The following STPG2 variants were observed in gnomAD, a reference collection of about 807,000 sequenced individuals.
STPG2 encodes sperm tail PG-rich repeat containing 2.
In STPG2, 56 loss-of-function variants were observed where a neutral mutation model predicts 54.2. That is an observed-to-expected ratio of 1.03 (90% CI 0.83 to 1.29). STPG2 has a LOEUF of 1.29. Among genes scored for constraint, STPG2 ranks in the 50% most tolerant of loss-of-function variants. The pLI is 0.00. For synonymous variants in STPG2, 200 were observed against 181.8 expected, an observed-to-expected ratio of 1.10 and a Z score of -0.81; for missense variants, 596 against 544.9, an observed-to-expected ratio of 1.09 and a Z score of -0.93.
intron 10 of STPG2, among the ~76,000 whole-genome samples, chr4:97,614,030 T>C (rs938197796): frequency 5.3e-5 from 8 of 152,102 alleles, no homozygotes; most frequent in African/African-American, 1.9e-4. Context: ...TCAATGACAA[T>C]TAGTTCAAAT....
At chr4:97,948,143 G>A (rs932842037) in intron 7 of STPG2, among the ~76,000 whole-genome samples, 2 of 151,876 alleles carry the variant, frequency 1.3e-5, no homozygotes, top group African/African-American at 4.8e-5. Flanking sequence ...AAAAGTTGTA[G>A]GTTTCCAGGA....
intron 8 of STPG2, among the ~76,000 whole-genome samples, chr4:97,866,154 A>G (rs1468396484): frequency 6.6e-6 from 1 of 151,980 alleles, no homozygotes; most frequent in Non-Finnish European, 1.5e-5. Context: ...ATGGTTAGAT[A>G]GAATGAATAA....
At chr4:97,549,824 T>C (rs1731926036) in intron 4 of STPG2, among the ~76,000 whole-genome samples, 2 of 152,310 alleles carry the variant, frequency 1.3e-5, no homozygotes, top group Middle Eastern at 3.4e-3. Context: ...AGTGTGACCC[T>C]GCTGACACCT....
At chr4:98,126,798 A>T (rs1459476767) in intron 3 of STPG2, among the ~76,000 whole-genome samples, 2 of 152,186 alleles carry the variant, frequency 1.3e-5, no homozygotes, top group Non-Finnish European at 2.9e-5. Flanking sequence ...TTTAATAAAA[A>T]TAATAATATA....
intron 4 of STPG2, among the ~76,000 whole-genome samples, chr4:97,487,013 T>C (rs1730382198): frequency 6.6e-6 from 1 of 151,364 alleles, no homozygotes. Flanking sequence ...CCAAACACTG[T>C]ATGTTCTCAC....
intron 5 of STPG2, among the ~76,000 whole-genome samples, chr4:98,005,312 G>A (rs1735543806): frequency 6.6e-6 from 1 of 152,032 alleles, no homozygotes; most frequent in African/African-American, 2.4e-5. Context: ...CACCCTCACA[G>A]ACACACCTAG....
chr4:97,737,686 A>G (rs974536734), intron 9 of STPG2, among the ~76,000 whole-genome samples: 1 of 152,202 alleles, frequency 6.6e-6, no homozygotes, highest in Admixed American at 6.5e-5. Context: ...AAACAAACAA[A>G]GCATTCAAGA....
intron 9 of STPG2, among the ~76,000 whole-genome samples, chr4:97,838,320 A>T (rs997525494): frequency 6.6e-6 from 1 of 151,432 alleles, no homozygotes; most frequent in Non-Finnish European, 1.5e-5. Flanking sequence ...TCCCCACACC[A>T]TATAACAAAT....
intron 4 of STPG2, among the ~76,000 whole-genome samples, chr4:97,442,648 AT>A (rs1729119224): frequency 1.3e-5 from 2 of 152,114 alleles, no homozygotes; most frequent in Admixed American, 6.5e-5. Context: ...CTGAAGGCTT[AT>A]TTAACAGAGG....
chr4:98,105,122 T>C (rs1338191369), intron 5 of STPG2, among the ~76,000 whole-genome samples: 1 of 152,250 alleles, frequency 6.6e-6, no homozygotes. Context: ...TATCTCACTT[T>C]CAATTCCTGT....
intron 10 of STPG2, among the ~76,000 whole-genome samples, chr4:97,675,844 A>G (rs949781014): frequency 6.6e-6 from 1 of 150,622 alleles, no homozygotes; most frequent in African/African-American, 2.4e-5. Context: ...CATGTGGGAG[A>G]GTAATAACAT....
At chr4:97,515,928 T>G (rs531949514) in intron 4 of STPG2, among the ~76,000 whole-genome samples, 17 of 152,256 alleles carry the variant, frequency 1.1e-4, no homozygotes, top group African/African-American at 4.1e-4. Flanking sequence ...TAATACTGTA[T>G]TTTCAGCCCA....
At chr4:97,838,298 T>C (rs1325030909) in intron 9 of STPG2, among the ~76,000 whole-genome samples, 1 of 151,340 alleles carries the variant, frequency 6.6e-6, no homozygotes, top group Non-Finnish European at 1.5e-5. Flanking sequence ...CCATCATTCA[T>C]AAGATAAACA....
At chr4:97,462,770 C>A (rs974348695) in intron 4 of STPG2, among the ~76,000 whole-genome samples, 1 of 151,858 alleles carries the variant, frequency 6.6e-6, no homozygotes, top group African/African-American at 2.4e-5. Context: ...ATGTACCTTA[C>A]CTACAGATTA....
chr4:97,789,787 G>A (rs904786338), intron 9 of STPG2, among the ~76,000 whole-genome samples: 3 of 152,016 alleles, frequency 2.0e-5, no homozygotes, highest in Non-Finnish European at 2.9e-5. Flanking sequence ...CGTGGAAAAC[G>A]TCAGCCAACT....
intron 10 of STPG2, among the ~76,000 whole-genome samples, chr4:97,562,543 G>A (rs1578389954): frequency 6.6e-6 from 1 of 152,178 alleles, no homozygotes; most frequent in Non-Finnish European, 1.5e-5. Flanking sequence ...AATGCTTGCA[G>A]TTTTTGCCCA....
At chr4:97,481,823 A>G (rs1223030091) in intron 4 of STPG2, among the ~76,000 whole-genome samples, 2 of 151,468 alleles carry the variant, frequency 1.3e-5, no homozygotes, top group African/African-American at 4.8e-5. Context: ...TTTTCCAATC[A>G]GTATGCTTAT....
intron 10 of STPG2, among the ~76,000 whole-genome samples, chr4:97,627,303 TG>T (rs1034238225): frequency 1.3e-5 from 2 of 152,180 alleles, no homozygotes; most frequent in African/African-American, 4.8e-5. Context: ...ACTTAATATT[TG>T]CATCACCTTG....
At chr4:97,930,710 T>C (rs7657399) in intron 8 of STPG2, among the ~76,000 whole-genome samples, 60,019 of 152,062 alleles carry the variant, frequency 0.39, 12,011 homozygotes, top group Middle Eastern at 0.46. Flanking sequence ...TCTAGTTCAG[T>C]GAAGAATGTC....
Sources: gnomAD v4.1 joint callset for allele counts (sites outside exome capture counted in the v4.1 genomes callset) on GRCh38, gnomAD v4.1.1 for gene constraint, MANE v1.5 for transcripts, NCBI Gene and HGNC (gene_info 2026-07-23, HGNC 2026-07-21) for gene names.